FER1L6: variants seen among roughly 807,000 people sequenced by gnomAD.
FER1L6 encodes the protein fer-1 like family member 6.
Under a neutral mutation model 219.2 loss-of-function variants are expected in FER1L6, and 177 were observed. The ratio of observed to expected loss-of-function variants is 0.81; its 90% confidence interval spans 0.71 to 0.91. The LOEUF (loss-of-function observed/expected upper bound fraction) is 0.91, where lower values mean the gene tolerates loss of function less well. Ranked by LOEUF, FER1L6 falls within the 40% of genes least tolerant of loss-of-function variation. The pLI is 0.00. For synonymous variants in FER1L6, 768 were observed against 824.3 expected, an observed-to-expected ratio of 0.93 and a Z score of 1.17; for missense variants, 2,153 against 2,259.9, an observed-to-expected ratio of 0.95 and a Z score of 0.96.
At chr8:124,047,421 C>T (rs1219943126) in intron 21 of FER1L6, 6 of 152,130 alleles carry the variant, frequency 3.9e-5, no homozygotes, top group African/African-American at 1.4e-4. Flanking sequence ...TACAAGTGCC[C>T]AATACGTAGT....
In FER1L6 at chr8:123,981,570, C is replaced by T. The variant is rs193124142; in HGVS notation, c.1410+759C>T. Among the ~76,000 whole-genome samples, 515 of 152,152 alleles carry T rather than the reference C, an allele frequency of 3.4e-3. 2 individuals are homozygous for T. The highest frequency in any genetic ancestry group is 6.7e-3 in the South Asian group (32 of 4,806). ...TTTCGGGTAGGGAAGGGAGGTGATG[C>T]TCAAAATCCCAGAGCTGTTCATTTC... On this transcript the variant is annotated intron_variant, in intron 11 of 40. Coordinates refer to ENST00000522917, the MANE Select transcript of FER1L6 (RefSeq NM_001039112.2).
rs1012358194 is a variant in FER1L6, at chr8:124,064,842, G to T, written c.3555+269G>T. Among the ~76,000 whole-genome samples, 6 of 152,266 alleles carry T rather than the reference G, an allele frequency of 3.9e-5. 1 individual carries two copies. The highest frequency in any genetic ancestry group is 3.9e-4 in the Admixed American group (6 of 15,290). On this transcript the variant is annotated intron_variant, in intron 26 of 40. Coordinates refer to ENST00000522917, the MANE Select transcript of FER1L6 (RefSeq NM_001039112.2). ...GAAACTCTTCTTAATTCATTAGCTT[G>T]GAAAGGCCATGGGTTTCTTCCTCCA...
At chr8:124,093,866 T>C (rs796403626) in intron 34 of FER1L6, among the ~76,000 whole-genome samples, 5 of 152,258 alleles carry the variant, frequency 3.3e-5, no homozygotes, top group African/African-American at 1.2e-4. Context: ...AAAACATTTT[T>C]ATACAGGCAT....
At chr8:123,929,713 C>T (rs181929945) in intron 1 of FER1L6, among the ~76,000 whole-genome samples, 7 of 152,270 alleles carry the variant, frequency 4.6e-5, no homozygotes, top group African/African-American at 7.2e-5. Context: ...GGGAAGACAT[C>T]AGGGTACATC....
intron 39 of FER1L6, among the ~76,000 whole-genome samples, chr8:124,106,797 C>T (rs963510806): frequency 6.6e-6 from 1 of 151,962 alleles, no homozygotes; most frequent in Admixed American, 6.6e-5. Flanking sequence ...AATTTGAGTC[C>T]AAAAAGTATG....
chr8:124,003,294 T>TCCTATGG lies in FER1L6; in HGVS notation c.1651_1657dup (p.Ser553TyrfsTer25), dbSNP rs1171752213. 1.2e-6 allele frequency: 2 copies of TCCTATGG among 1,613,796 alleles called. No individual in the cohort carries two copies. The highest frequency in any genetic ancestry group is 1.7e-6 in the Non-Finnish European group (2 of 1,179,988). ...GGGATGTGGCCCATGATGTTCCCAT[T>TCCTATGG]CCTATGGCCTCCACCACTCACCCGG... On this transcript the variant is annotated frameshift_variant, in exon 13 of 41. Transcript: ENST00000522917. LOFTEE classifies it high-confidence loss of function.
At chr8:124,107,353 TTATC>T (rs1363257260) in intron 39 of FER1L6, among the ~76,000 whole-genome samples, 1 of 152,178 alleles carries the variant, frequency 6.6e-6, no homozygotes, top group African/African-American at 2.4e-5. Context: ...ATTTATATGA[TTATC>T]TAAGTGTCAG....
chr8:124,049,645 T>G lies in FER1L6; in HGVS notation c.2763T>G (p.Pro921=). 6.2e-7 allele frequency: 1 copy of G among 1,613,998 alleles called. No homozygotes were observed. The highest frequency in any genetic ancestry group is 2.2e-5 in the East Asian group (1 of 44,878). ...PEYLGATVAA[P]VVKLADQDYE... is the part of the protein sequence containing the mutation. ...ATTTGGGTGCCACAGTGGCTGCTCC[T>G]GTTGTGAAGCTGGCTGACCAGGACT... Residue 921 remains proline, a synonymous_variant, in exon 22 of 41, where the codon CCT becomes CCG. Transcript: ENST00000522917.
At chr8:124,036,446 T>G (rs1819215182) in intron 19 of FER1L6, 1 of 152,176 alleles carries the variant, frequency 6.6e-6, no homozygotes, top group Non-Finnish European at 1.5e-5. Context: ...GTCATTGATT[T>G]CTCAAATCAA....
chr8:124,117,052 G>C (rs763566849), intron 39 of FER1L6, among the ~76,000 whole-genome samples: 5 of 152,168 alleles, frequency 3.3e-5, no homozygotes, highest in Non-Finnish European at 7.4e-5. Context: ...AGCTAGGCAG[G>C]CTCTTAAAAA....
intron 1 of FER1L6, among the ~76,000 whole-genome samples, chr8:123,943,999 G>T (rs1320746787): frequency 6.6e-6 from 1 of 152,068 alleles, no homozygotes; most frequent in African/African-American, 2.4e-5. Context: ...ATAGAGTAGA[G>T]ATCTGACGGG....
chr8:124,018,006 C>T (rs937331289), intron 16 of FER1L6, among the ~76,000 whole-genome samples: 1 of 152,188 alleles, frequency 6.6e-6, no homozygotes, highest in South Asian at 2.1e-4. Flanking sequence ...GCGGTAGACT[C>T]GCTTGGCCCT....
intron 14 of FER1L6, 132 bp downstream of exon 14, chr8:124,010,846 G>A (rs1314177465): frequency 4.8e-6 from 6 of 1,259,718 alleles, no homozygotes; most frequent in East Asian, 2.4e-5. Context: ...GCATTTGGAG[G>A]GCACGTGGAT....
chr8:123,917,973 T>A (rs1813237964), intron 1 of FER1L6, among the ~76,000 whole-genome samples: 3 of 152,312 alleles, frequency 2.0e-5, no homozygotes, highest in East Asian at 3.9e-4. Flanking sequence ...CTTGAACTAA[T>A]GAAGTTTGTG....
chr8:123,856,338 A>G (rs1168703617), intron 1 of FER1L6, among the ~76,000 whole-genome samples: 5 of 128,526 alleles, frequency 3.9e-5, no homozygotes, highest in African/African-American at 1.6e-4. Context: ...ATATATATAT[A>G]TATATATATA....
At position 123,975,271 on chromosome 8, in the gene FER1L6, C is replaced by A; in HGVS notation, c.648C>A (p.Ser216Arg). 7 of 1,612,378 alleles carry A rather than the reference C, an allele frequency of 4.3e-6. 1 individual carries two copies. The South Asian group carries it at 7.7e-5, about 18-fold the overall frequency. The change falls in exon 8 of 41, where the codon AGC becomes AGA. Residue 216 changes from serine to arginine, a missense_variant. Ser to Arg is a moderately radical substitution (Grantham distance 110, BLOSUM62 -1). Transcript: ENST00000522917. ...VMGKGDVLKT[S>R]PKTSDTEEPI... ...GAAAAGGTGATGTCTTGAAGACCAG[C>A]CCTAAAACTTCTGACACCGAGGAGC... is the stretch of plus-strand genomic sequence containing the variant.
At chr8:124,093,272 G>C (rs1230060540) in intron 34 of FER1L6, among the ~76,000 whole-genome samples, 1 of 151,994 alleles carries the variant, frequency 6.6e-6, no homozygotes, top group Non-Finnish European at 1.5e-5. Flanking sequence ...GGGGATTACA[G>C]TTCGACATGA....
intron 1 of FER1L6, among the ~76,000 whole-genome samples, chr8:123,895,397 C>T (rs1812726823): frequency 6.6e-6 from 1 of 152,186 alleles, no homozygotes; most frequent in East Asian, 1.9e-4. Flanking sequence ...AGCATCAGGT[C>T]ATTGTAATTC....
Position 124,003,160 on chromosome 8 carries a change from T to C in FER1L6, c.1520-7T>C, listed in dbSNP as rs1231764247. 6.2e-7 allele frequency: 1 copy of C among 1,612,850 alleles called. No individual in the cohort carries two copies. On this transcript the variant is annotated splice_polypyrimidine_tract_variant and splice_region_variant and intron_variant, in intron 12 of 40. Coordinates refer to ENST00000522917, the MANE Select transcript of FER1L6 (RefSeq NM_001039112.2). ...TGACCCCTTTCCCCTTGCTACTGCC[T>C]CTGCAGGTAATTTTGGAAACCTGAT...
Sources: allele counts gnomAD v4.1 joint callset (sites outside exome capture counted in the v4.1 genomes callset), GRCh38; gene constraint gnomAD v4.1.1; transcripts MANE v1.5; gene names NCBI Gene and HGNC (gene_info 2026-07-23, HGNC 2026-07-21).